The following ANO10 variants were observed in gnomAD, a reference collection of about 807,000 sequenced individuals.
ANO10 encodes anoctamin 10.
Under a neutral mutation model 74.7 loss-of-function variants are expected in ANO10, and 77 were observed. That is an observed-to-expected ratio of 1.03 (90% confidence interval 0.86 to 1.25). The LOEUF (loss-of-function observed/expected upper bound fraction) is 1.25, where lower values mean the gene tolerates loss of function less well. Ranked by LOEUF, ANO10 falls within the 50% of genes most tolerant of loss-of-function variation. The probability of loss-of-function intolerance (pLI) is 0.00; values close to 1 mark genes in which losing one functional copy is unlikely to be tolerated. For missense variants in ANO10, 721 were observed against 778.1 expected (o/e 0.93, Z 0.87); for synonymous variants, 279 against 284.9 (o/e 0.98, Z 0.21).
intron 1 of ANO10, among the ~76,000 whole-genome samples, chr3:43,636,043 C>CA (rs2083606651): frequency 1.3e-5 from 2 of 152,038 alleles, no homozygotes; most frequent in East Asian, 1.9e-4. Flanking sequence ...AAAAAAAACC[C>CA]AAAAAACAGA....
At chr3:43,597,911 G>C (rs2082166310) in intron 4 of ANO10, among the ~76,000 whole-genome samples, 1 of 151,758 alleles carries the variant, frequency 6.6e-6, no homozygotes, top group African/African-American at 2.4e-5. Flanking sequence ...GAGCAAGACT[G>C]TCTCAAAAAA....
At chr3:43,499,893 G>A (rs1420416543) in intron 11 of ANO10, among the ~76,000 whole-genome samples, 6 of 151,222 alleles carry the variant, frequency 4.0e-5, no homozygotes, top group Non-Finnish European at 7.4e-5. Flanking sequence ...GTGCAGTGGC[G>A]TGACCTCGGC....
intron 9 of ANO10, among the ~76,000 whole-genome samples, chr3:43,558,888 G>C (rs1331749355): frequency 2.6e-5 from 4 of 152,202 alleles, no homozygotes; most frequent in Admixed American, 2.6e-4. Flanking sequence ...GAAATGGCCA[G>C]ATCACGCAGA....
chr3:43,372,335 C>T (rs563041759), intron 12 of ANO10, among the ~76,000 whole-genome samples: 4 of 152,138 alleles, frequency 2.6e-5, no homozygotes, highest in South Asian at 2.1e-4. Flanking sequence ...TGCACTGAGA[C>T]GGCACCCCAG....
At chr3:43,514,840 G>C (rs1218687631) in intron 11 of ANO10, among the ~76,000 whole-genome samples, 1 of 152,152 alleles carries the variant, frequency 6.6e-6, no homozygotes, top group Non-Finnish European at 1.5e-5. Flanking sequence ...GAAAATCCCA[G>C]TATCTGGAAA....
intron 1 of ANO10, among the ~76,000 whole-genome samples, chr3:43,656,410 C>T (rs1191078191): frequency 3.9e-5 from 6 of 152,256 alleles, no homozygotes; most frequent in African/African-American, 1.4e-4. Context: ...GCCTGCCAGT[C>T]CTGTGCCGTG....
At chr3:43,584,621 C>T (rs931172983) in intron 4 of ANO10, among the ~76,000 whole-genome samples, 2 of 152,134 alleles carry the variant, frequency 1.3e-5, no homozygotes, top group African/African-American at 4.8e-5. Context: ...CTCATCCACC[C>T]ACTCCCTTTG....
intron 11 of ANO10, among the ~76,000 whole-genome samples, chr3:43,493,251 C>T (rs182413143): frequency 1.2e-4 from 19 of 152,038 alleles, no homozygotes; most frequent in East Asian, 9.7e-4. Flanking sequence ...ACAGGGAGGG[C>T]GACATCACAC....
rs370680989 is a variant in ANO10 at position 43,686,130 on chromosome 3, A to G, written c.-12+5387T>C. Among the ~76,000 whole-genome samples the G allele has an allele frequency of 1.1e-4, 17 of 152,192 alleles. No individual in the cohort carries two copies. The East Asian group carries it at 2.7e-3, about 24-fold the overall frequency. ...CCATGCTCCTCTTCCTCATTCCTCCATTCAACTATGCGGAGCTCTCAACCT... is the reference window on the plus strand; with the variant it reads ...CCATGCTCCTCTTCCTCATTCCTCCGTTCAACTATGCGGAGCTCTCAACCT... On this transcript the variant is annotated intron_variant, in intron 1 of 3. Transcript: ENST00000413397.
chr3:43,565,765 A>G (rs758516932), intron 7 of ANO10, 38 bp from the exon 8 acceptor site: 6 of 1,537,202 alleles, frequency 3.9e-6, no homozygotes, highest in Non-Finnish European at 4.4e-6. Flanking sequence ...AGTGTTAAGC[A>G]CTGCTTTAGA....
chr3:43,547,831 C>T (rs1216643306), intron 11 of ANO10, among the ~76,000 whole-genome samples: 1 of 152,100 alleles, frequency 6.6e-6, no homozygotes, highest in Non-Finnish European at 1.5e-5. Flanking sequence ...GTAGGCTAAT[C>T]AATGGTAATA....
At chr3:43,538,263 T>C (rs1376922193) in intron 11 of ANO10, among the ~76,000 whole-genome samples, 1 of 152,180 alleles carries the variant, frequency 6.6e-6, no homozygotes, top group African/African-American at 2.4e-5. Context: ...AAATGGGTTA[T>C]TGAACAGGGT....
chr3:43,666,764 TTC>T (rs2083997498), intron 1 of ANO10, among the ~76,000 whole-genome samples: 1 of 152,206 alleles, frequency 6.6e-6, no homozygotes, highest in African/African-American at 2.4e-5. Flanking sequence ...GCTTGCTCCC[TTC>T]TAAGAGAGCT....
intron 12 of ANO10, among the ~76,000 whole-genome samples, chr3:43,398,723 A>G (rs2148864357): frequency 6.6e-6 from 1 of 152,384 alleles, no homozygotes; most frequent in East Asian, 1.9e-4. Context: ...GAATCAAGCC[A>G]CATGGGCTAA....
intron 11 of ANO10, among the ~76,000 whole-genome samples, chr3:43,470,465 T>C (rs1276473359): frequency 6.6e-6 from 1 of 152,134 alleles, no homozygotes; most frequent in East Asian, 1.9e-4. Flanking sequence ...GCTATTCTCC[T>C]GCCTCAGCCT....
intron 1 of ANO10, among the ~76,000 whole-genome samples, chr3:43,638,082 G>A (rs943582518): frequency 6.6e-6 from 1 of 152,138 alleles, no homozygotes; most frequent in Non-Finnish European, 1.5e-5. Context: ...TTCTTAATGA[G>A]ATCATCTTGT....
At chr3:43,584,666 T>C (rs1275659698) in intron 4 of ANO10, among the ~76,000 whole-genome samples, 1 of 152,098 alleles carries the variant, frequency 6.6e-6, no homozygotes, top group Non-Finnish European at 1.5e-5. Flanking sequence ...ACCCCAAGCA[T>C]AACATTTGGC....
At chr3:43,681,039 T>G (rs192001885) in intron 1 of ANO10, among the ~76,000 whole-genome samples, 121 of 152,102 alleles carry the variant, frequency 8.0e-4, no homozygotes, top group African/African-American at 2.6e-3. Context: ...AAAATAACCA[T>G]CTAACATCAT....
intron 8 of ANO10, among the ~76,000 whole-genome samples, chr3:43,561,806 A>T (rs2080049809): frequency 6.6e-6 from 1 of 152,252 alleles, no homozygotes; most frequent in African/African-American, 2.4e-5. Context: ...CAAGTACTTC[A>T]TGAATATGTA....
Sources: gnomAD v4.1 joint callset for allele counts (sites outside exome capture counted in the v4.1 genomes callset) on GRCh38, gnomAD v4.1.1 for gene constraint, MANE v1.5 for transcripts, NCBI Gene and HGNC (gene_info 2026-07-23, HGNC 2026-07-21) for gene names.